Variants in GPR158 observed in about 807,000 individuals in gnomAD.
GPR158 encodes the protein metabotropic glycine receptor.
In GPR158, 30 loss-of-function variants were observed where a neutral mutation model predicts 78.2. That is an observed-to-expected ratio of 0.38 (90% CI 0.29 to 0.52). The LOEUF (loss-of-function observed/expected upper bound fraction) is 0.52. Ranked by LOEUF, GPR158 falls within the 20% of genes least tolerant of loss-of-function variation. The pLI is 0.83. For missense variants in GPR158, 1,463 were observed against 1,523.5 expected (o/e 0.96, Z 0.66); for synonymous variants, 581 against 591.1 (o/e 0.98, Z 0.25).
chr10:25,377,455 A>G (rs911976556), intron 2 of GPR158, among the ~76,000 whole-genome samples: 2 of 152,040 alleles, frequency 1.3e-5, no homozygotes, highest in East Asian at 3.9e-4. Context: ...ATATTCACAG[A>G]GTCATGCAAC....
intron 2 of GPR158, among the ~76,000 whole-genome samples, chr10:25,389,118 T>A (rs1834259832): frequency 6.6e-6 from 1 of 152,180 alleles, no homozygotes; most frequent in Non-Finnish European, 1.5e-5. Context: ...TCAGACAAGA[T>A]CCTGGGAAGA....
At chr10:25,271,073 C>A (rs1367431131) in intron 2 of GPR158, among the ~76,000 whole-genome samples, 1 of 152,192 alleles carries the variant, frequency 6.6e-6, no homozygotes, top group Non-Finnish European at 1.5e-5. Flanking sequence ...GTGTTCCGAG[C>A]TGCCTCCCAC....
intron 2 of GPR158, among the ~76,000 whole-genome samples, chr10:25,379,258 A>T (rs1244343493): frequency 6.6e-6 from 1 of 151,966 alleles, no homozygotes; most frequent in Admixed American, 6.6e-5. Context: ...TGTGTGGTGT[A>T]ATTTGAGATT....
At chr10:25,333,006 G>C (rs572480764) in intron 2 of GPR158, among the ~76,000 whole-genome samples, 58 of 152,240 alleles carry the variant, frequency 3.8e-4, no homozygotes, top group Non-Finnish European at 7.4e-4. Flanking sequence ...GATGAGCTGG[G>C]CATTTGGGAT....
At chr10:25,238,395 A>G (rs1028324828) in intron 2 of GPR158, among the ~76,000 whole-genome samples, 20 of 152,254 alleles carry the variant, frequency 1.3e-4, no homozygotes, top group Non-Finnish European at 2.5e-4. Context: ...TATGATTGTA[A>G]TGTTAATATC....
intron 1 of GPR158, among the ~76,000 whole-genome samples, chr10:25,218,574 G>A (rs545335873): frequency 3.3e-5 from 5 of 152,304 alleles, no homozygotes; most frequent in East Asian, 1.9e-4. Context: ...ATTGTGGAAC[G>A]AGTAGAAATG....
chr10:25,425,794 A>G (rs992511348), intron 4 of GPR158, among the ~76,000 whole-genome samples: 1 of 152,118 alleles, frequency 6.6e-6, no homozygotes, highest in African/African-American at 2.4e-5. Context: ...CTCCTATTGC[A>G]TATAGGTTGG....
intron 5 of GPR158, among the ~76,000 whole-genome samples, chr10:25,484,696 C>T (rs188568948): frequency 5.3e-5 from 8 of 152,248 alleles, no homozygotes; most frequent in African/African-American, 1.7e-4. Flanking sequence ...CAGTTCATTT[C>T]TAATTCTCTT....
At chr10:25,416,030 A>G (rs1754276) in intron 4 of GPR158, among the ~76,000 whole-genome samples, 107,221 of 151,994 alleles carry the variant, frequency 0.71, 38,999 homozygotes, top group Non-Finnish European at 0.81. Flanking sequence ...ATCTATTACA[A>G]ATTTTTAAAG....
At position 25,312,518 on chromosome 10, in the gene GPR158, C is replaced by T. The variant is rs145481906; in HGVS notation, c.1009-83393C>T. 2.6e-3 allele frequency among the ~76,000 whole-genome samples: 395 copies of T among 152,066 alleles called. 2 individuals carry two copies. Among genetic ancestry groups the T allele is most frequent in the Admixed American group, 4.2e-3 (64 of 15,252 alleles). On this transcript the variant is annotated intron_variant, in intron 2 of 10. Transcript: ENST00000376351. ...TTGTGCATTTTCTAGAAAATGTCTG[C>T]CAGATATCTTTAATCTGAATAACCA... is the stretch of plus-strand genomic sequence containing the variant.
intron 4 of GPR158, among the ~76,000 whole-genome samples, chr10:25,434,625 A>G (rs1834972510): frequency 6.6e-6 from 1 of 152,218 alleles, no homozygotes; most frequent in Non-Finnish European, 1.5e-5. Flanking sequence ...TTTGCCCACG[A>G]GAAGCTCACA....
At chr10:25,300,314 T>G (rs1180807180) in intron 2 of GPR158, among the ~76,000 whole-genome samples, 2 of 152,202 alleles carry the variant, frequency 1.3e-5, no homozygotes, top group Non-Finnish European at 2.9e-5. Context: ...AGGCAGAAAT[T>G]TGCATCTCTG....
intron 2 of GPR158, among the ~76,000 whole-genome samples, chr10:25,391,784 AG>A (rs1834301703): frequency 6.6e-6 from 1 of 152,162 alleles, no homozygotes; most frequent in Non-Finnish European, 1.5e-5. Context: ...TTGAAATGTG[AG>A]GACATGAGAT....
intron 2 of GPR158, among the ~76,000 whole-genome samples, chr10:25,257,679 C>T (rs1381925189): frequency 6.6e-6 from 1 of 152,146 alleles, no homozygotes; most frequent in African/African-American, 2.4e-5. Flanking sequence ...CTCATTTTGT[C>T]CATTCTGCTT....
At chr10:25,221,285 C>G (rs2130683137) in intron 2 of GPR158, 128 bp downstream of exon 2, 1 of 524,048 alleles carries the variant, frequency 1.9e-6, no homozygotes, top group East Asian at 3.1e-5. Flanking sequence ...CTCAGTGCTG[C>G]CAAATGAACT....
intron 5 of GPR158, among the ~76,000 whole-genome samples, chr10:25,540,943 AAAATATATAT>A (rs1281239443): frequency 4.7e-5 from 3 of 63,460 alleles, no homozygotes; most frequent in African/African-American, 1.2e-4. Context: ...AAGTATAATA[AAAATATATAT>A]ATATATATAT....
At chr10:25,407,230 A>T (rs1834526884) in intron 3 of GPR158, among the ~76,000 whole-genome samples, 1 of 152,182 alleles carries the variant, frequency 6.6e-6, no homozygotes, top group African/African-American at 2.4e-5. Context: ...TTCAGAAAAA[A>T]AATGTTATTT....
rs183861250 is a variant in GPR158 at position 25,326,588 on chromosome 10, A to C, written c.1009-69323A>C. Among the ~76,000 whole-genome samples, 250 of 152,274 alleles carry C rather than the reference A, an allele frequency of 1.6e-3. 1 individual carries two copies. Among genetic ancestry groups the C allele is most frequent in the Admixed American group, 4.7e-3 (72 of 15,308 alleles). On this transcript the variant is annotated intron_variant, in intron 2 of 10. Coordinates refer to ENST00000376351, the MANE Select transcript of GPR158 (RefSeq NM_020752.3). ...CTCATAGAAGCAGAGAATAGAACAG[A>C]GGTTGCCAGGAGATAGGGGCTGGGG...
chr10:25,253,451 C>G (rs1232157988), intron 2 of GPR158, among the ~76,000 whole-genome samples: 2 of 152,150 alleles, frequency 1.3e-5, no homozygotes, highest in Non-Finnish European at 2.9e-5. Context: ...AAATGTCAAC[C>G]TCAGATACAT....
Sources: allele counts gnomAD v4.1 joint callset (sites outside exome capture counted in the v4.1 genomes callset), GRCh38; gene constraint gnomAD v4.1.1; transcripts MANE v1.5; gene names NCBI Gene and HGNC (gene_info 2026-07-23, HGNC 2026-07-21).